The following DGKD variants were observed in gnomAD, a reference collection of about 807,000 sequenced individuals.
DGKD encodes the protein diacylglycerol kinase delta.
A neutral mutation model predicts 154.4 loss-of-function variants in DGKD; 68 were observed. That is an observed-to-expected ratio of 0.44 (90% CI 0.36 to 0.54). The LOEUF is 0.54. DGKD is among the 20% of genes least tolerant of loss of function. DGKD has a pLI of 0.00. For synonymous variants in DGKD, 693 were observed against 638.0 expected, an observed-to-expected ratio of 1.09 and a Z score of -1.30; for missense variants, 1,343 against 1,593.6, an observed-to-expected ratio of 0.84 and a Z score of 2.68.
Position 233,458,785 on chromosome 2 carries a change from T to C in DGKD, c.2694+388T>C, listed in dbSNP as rs944972792. Among the ~76,000 whole-genome samples the C allele has an allele frequency of 2.0e-5, 3 of 152,162 alleles. No individual in the cohort carries two copies. Among genetic ancestry groups the C allele is most frequent in the Non-Finnish European group, 2.9e-5 (2 of 67,980 alleles). Reference sequence around the variant, plus strand: ...CACCACCATTCCCAGCTAATTTTTGTACTTCACCATGTTGGCCAGGCTGGT... The same window carrying C: ...CACCACCATTCCCAGCTAATTTTTGCACTTCACCATGTTGGCCAGGCTGGT... On this transcript the variant is annotated intron_variant, in intron 22 of 29. Coordinates refer to ENST00000264057, the MANE Select transcript of DGKD (RefSeq NM_152879.3). The surrounding 1 kb of genome is among the most constrained non-coding windows in gnomAD (Gnocchi z 6.6).
At chr2:233,423,801 T>C (rs1010040282) in intron 3 of DGKD, among the ~76,000 whole-genome samples, 1 of 152,094 alleles carries the variant, frequency 6.6e-6, no homozygotes, top group African/African-American at 2.4e-5. Context: ...TTGTTGGGGC[T>C]TTCCACCCAC....
intron 1 of DGKD, among the ~76,000 whole-genome samples, chr2:233,368,957 C>T (rs1280372670): frequency 6.6e-6 from 1 of 152,176 alleles, no homozygotes; most frequent in Non-Finnish European, 1.5e-5. Context: ...TGCATTGCTG[C>T]CCATTTCCTG....
At position 233,354,748 on chromosome 2, in the gene DGKD, G is replaced by A; in HGVS notation, c.156+74G>A. ...AGCCCCGGCCGAGGCCCGTGGCCCT[G>A]CCCGAGCGGCCGCCCAGGCCCGGCT... On this transcript the variant is annotated intron_variant, in intron 1 of 29. Transcript: ENST00000264057. This position sits in a 1 kb window ranked among gnomAD's most constrained non-coding sequence, Gnocchi z 4.8. 2.2e-6 allele frequency: 2 copies of A among 896,574 alleles called. No individual in the cohort carries two copies. Among genetic ancestry groups the A allele is most frequent in the Non-Finnish European group, 2.7e-6 (2 of 752,166 alleles). The allele number at this position is 896,574 out of a possible 1,614,324, so 55.5% of individuals were successfully genotyped here.
intron 1 of DGKD, among the ~76,000 whole-genome samples, chr2:233,371,579 T>A (rs565667556): frequency 2.0e-5 from 3 of 152,374 alleles, no homozygotes; most frequent in Admixed American, 6.5e-5. Context: ...TTGCTCGTGC[T>A]TTTGGTGTTA....
Position 233,457,251 on chromosome 2 carries a change from C to T in DGKD, c.2503C>T (p.Leu835Phe). ...CGGGCGACCCATCCCACTCCCCAGTCTTCAGGGAATTGCTGTCCTTAACAT... is the reference window on the plus strand; with the variant it reads ...CGGGCGACCCATCCCACTCCCCAGTTTTCAGGGAATTGCTGTCCTTAACAT... ...CDGRPIPLPS[L>F]QGIAVLNIPS... Residue 835 changes from leucine to phenylalanine, a missense_variant, in exon 21 of 30, where the codon CTT becomes TTT. Leu to Phe is a conservative substitution (Grantham distance 22). Coordinates refer to ENST00000264057, the MANE Select transcript of DGKD (RefSeq NM_152879.3). The surrounding 1 kb of genome is among the most constrained non-coding windows in gnomAD (Gnocchi z 5.5). 6.6e-7 allele frequency: 1 copy of T among 1,522,498 alleles called. No homozygotes were observed. The highest frequency in any genetic ancestry group is 8.8e-7 in the Non-Finnish European group (1 of 1,136,202). 94.3% of individuals were successfully genotyped at this position (1,522,498 alleles called of 1,614,324 possible).
chr2:233,383,415 C>T (rs563361401), intron 1 of DGKD, among the ~76,000 whole-genome samples: 153 of 152,054 alleles, frequency 1.0e-3, no homozygotes, highest in Admixed American at 7.5e-3. Context: ...ACCTTTTTTT[C>T]CCACCTTGGC....
intron 3 of DGKD, among the ~76,000 whole-genome samples, chr2:233,420,258 C>T (rs987326950): frequency 3.3e-5 from 5 of 152,128 alleles, no homozygotes; most frequent in Admixed American, 1.3e-4. Flanking sequence ...GTTAACCTTC[C>T]GTATGGCTAA....
At chr2:233,434,935 G>A (rs192660394) in intron 5 of DGKD, 34 bp downstream of exon 5, 1 of 1,589,830 alleles carries the variant, frequency 6.3e-7, no homozygotes, top group East Asian at 2.2e-5. Flanking sequence ...TGTCAGGAAA[G>A]GTGGCCTGGC....
At chr2:233,443,134 C>T (rs1211703584) in intron 10 of DGKD, among the ~76,000 whole-genome samples, 1 of 152,254 alleles carries the variant, frequency 6.6e-6, no homozygotes, top group Non-Finnish European at 1.5e-5. Context: ...GCTGTGCCAG[C>T]TTCCATGCCT....
intron 1 of DGKD, among the ~76,000 whole-genome samples, chr2:233,380,167 A>C (rs1702812010): frequency 6.6e-6 from 1 of 152,206 alleles, no homozygotes. Flanking sequence ...GGAGGAAAAG[A>C]GTTGAGCACC....
intron 3 of DGKD, among the ~76,000 whole-genome samples, chr2:233,415,030 A>G (rs1043887473): frequency 4.6e-5 from 7 of 152,080 alleles, no homozygotes; most frequent in African/African-American, 1.4e-4. Context: ...AGTTCAAGCA[A>G]TCCTCTTGCC....
intron 3 of DGKD, among the ~76,000 whole-genome samples, chr2:233,433,381 A>G (rs1047647435): frequency 1.4e-5 from 2 of 145,388 alleles, no homozygotes; most frequent in African/African-American, 5.2e-5. Flanking sequence ...GGGAGCTAAT[A>G]AAAAAAAAAA....
chr2:233,394,401 C>G (rs1442261019), intron 3 of DGKD, among the ~76,000 whole-genome samples: 1 of 151,920 alleles, frequency 6.6e-6, no homozygotes, highest in Non-Finnish European at 1.5e-5. Flanking sequence ...TGATACCATG[C>G]CTGGCTAATT....
At chr2:233,366,599 A>G (rs571308676) in intron 1 of DGKD, among the ~76,000 whole-genome samples, 1 of 152,198 alleles carries the variant, frequency 6.6e-6, no homozygotes, top group Non-Finnish European at 1.5e-5. Flanking sequence ...CAGTTTTGCC[A>G]ATGAACGACA....
chr2:233,407,373 A>G (rs180852767), intron 3 of DGKD, among the ~76,000 whole-genome samples: 2 of 152,382 alleles, frequency 1.3e-5, no homozygotes, highest in East Asian at 3.9e-4. Context: ...AGGAAAAATA[A>G]AAGTTAAGGG....
intron 14 of DGKD, 56 bp downstream of exon 14, chr2:233,448,431 G>T: frequency 6.5e-7 from 1 of 1,535,522 alleles, no homozygotes; most frequent in South Asian, 1.1e-5. Context: ...AGCTTGCTCT[G>T]TCACCAGCAG....
intron 3 of DGKD, among the ~76,000 whole-genome samples, chr2:233,404,639 A>AT (rs138201484): frequency 0.01 from 1,552 of 152,126 alleles, 30 homozygotes; most frequent in African/African-American, 0.035. Context: ...GAACTTTCAG[A>AT]TATCCTAAGC....
rs748647425 is a variant in DGKD at position 233,449,257 on chromosome 2, G to A, written c.1769G>A (p.Arg590His). Residue 590 changes from arginine (R) to histidine (H), a missense_variant, in exon 15 of 30, where the codon CGC (arginine) becomes CAC (histidine). Around this residue, in one of 6 missense-constraint regions of DGKD, gnomAD observed 409 missense variants for 446.0 expected, o/e 0.92. Transcript: ENST00000264057. The surrounding 1 kb of genome is among the most constrained non-coding windows in gnomAD (Gnocchi z 5.3). ...SGSICGSTGD[R>H]LVASACPARP... The stretch of plus-strand genomic sequence containing the variant: ...AGCATCTGCGGTTCCACCGGAGACC[G>A]CTTGGTGGCATCAGCTTGCCCGGCC... 8.7e-6 allele frequency: 14 copies of A among 1,613,522 alleles called. No individual in the cohort carries two copies. Among genetic ancestry groups the A allele is most frequent in the Admixed American group, 1.7e-5 (1 of 60,032 alleles).
Position 233,445,668 on chromosome 2 carries a change from C to T in DGKD, c.1240C>T (p.Arg414Ter). Residue 414 changes from arginine (R) to a stop codon, truncating the protein, a stop_gained, in exon 11 of 30, where the codon CGA (arginine) becomes TGA (stop). Coordinates refer to ENST00000264057, the MANE Select transcript of DGKD (RefSeq NM_152879.3). LOFTEE classifies it high-confidence loss of function. The surrounding 1 kb of genome is among the most constrained non-coding windows in gnomAD (Gnocchi z 5.5). Reference sequence around the variant, plus strand: ...GCTCGGCACAGGGAACGACTTGGCCCGAGTACTGGGCTGGGGCTCAGCCTG... The same window carrying T: ...GCTCGGCACAGGGAACGACTTGGCCTGAGTACTGGGCTGGGGCTCAGCCTG... ...LPLGTGNDLA[R>*]VLGWGSACDD... The T allele has an allele frequency of 1.2e-6, 2 of 1,613,212 alleles. No homozygotes were observed. The highest frequency in any genetic ancestry group is 1.7e-6 in the Non-Finnish European group (2 of 1,179,630).
Sources: allele counts gnomAD v4.1 joint callset (sites outside exome capture counted in the v4.1 genomes callset), GRCh38; gene constraint gnomAD v4.1.1; regional missense constraint gnomAD v4.1.1; non-coding constraint Gnocchi (gnomAD v3.1); transcripts MANE v1.5; gene names NCBI Gene and HGNC (gene_info 2026-07-23, HGNC 2026-07-21).